The following SOX5 variants were observed in gnomAD, a reference collection of about 807,000 sequenced individuals.
SOX5 encodes the protein SRY-box transcription factor 5, also known as transcription factor SOX-5.
In SOX5, 9 loss-of-function variants were observed where a neutral mutation model predicts 92.0. The ratio of observed to expected loss-of-function variants is 0.10; its 90% CI spans 0.06 to 0.17. SOX5 has a LOEUF of 0.17. Among genes scored for constraint, SOX5 ranks in the 10% least tolerant of loss-of-function variants. The probability of loss-of-function intolerance (pLI) is 1.00; values close to 1 mark genes in which losing one functional copy is unlikely to be tolerated. For missense variants in SOX5, 642 were observed against 944.5 expected (o/e 0.68, Z 4.20); for synonymous variants, 344 against 336.3 (o/e 1.02, Z -0.25).
chr12:24,033,070 A>G (rs1229303917), intron 4 of SOX5, among the ~76,000 whole-genome samples: 1 of 151,944 alleles, frequency 6.6e-6, no homozygotes, highest in Non-Finnish European at 1.5e-5. Flanking sequence ...AAAATTTAAA[A>G]TGGTTTCATG....
chr12:24,030,297 A>G (rs1209809564), intron 4 of SOX5, among the ~76,000 whole-genome samples: 1 of 152,004 alleles, frequency 6.6e-6, no homozygotes, highest in South Asian at 2.1e-4. Flanking sequence ...TTTAAAATAT[A>G]CTACAAAGTT....
At chr12:24,139,941 C>A (rs142906799) in intron 4 of SOX5, among the ~76,000 whole-genome samples, 2 of 152,276 alleles carry the variant, frequency 1.3e-5, no homozygotes, top group Admixed American at 6.5e-5. Context: ...AGAATCCACA[C>A]TGCAAAGGAA....
intron 4 of SOX5, among the ~76,000 whole-genome samples, chr12:24,079,067 T>C (rs1329131583): frequency 6.6e-6 from 1 of 151,618 alleles, no homozygotes; most frequent in Non-Finnish European, 1.5e-5. Context: ...CTGTCTCCCT[T>C]CCCCCATGAG....
At chr12:24,381,646 T>G (rs1045704165) in intron 1 of SOX5, among the ~76,000 whole-genome samples, 1 of 152,240 alleles carries the variant, frequency 6.6e-6, no homozygotes, top group Non-Finnish European at 1.5e-5. Context: ...CTACGTGGAT[T>G]ATTTCCTAGT....
intron 1 of SOX5, among the ~76,000 whole-genome samples, chr12:23,924,179 G>C (rs926309027): frequency 6.6e-6 from 1 of 152,182 alleles, no homozygotes; most frequent in Admixed American, 6.5e-5. Flanking sequence ...AAAAATTTAT[G>C]AATGTTATGG....
intron 4 of SOX5, among the ~76,000 whole-genome samples, chr12:23,982,677 A>C (rs1348914895): frequency 6.6e-6 from 1 of 152,118 alleles, no homozygotes; most frequent in East Asian, 1.9e-4. Flanking sequence ...CAAATCACAT[A>C]TATATTATGT....
chr12:24,018,803 A>T (rs1438944943), intron 4 of SOX5, among the ~76,000 whole-genome samples: 2 of 152,134 alleles, frequency 1.3e-5, no homozygotes, highest in Non-Finnish European at 2.9e-5. Flanking sequence ...GTCTGGAAAA[A>T]AAATAAATAA....
At chr12:24,299,413 A>C (rs907815168) in intron 2 of SOX5, among the ~76,000 whole-genome samples, 1 of 152,048 alleles carries the variant, frequency 6.6e-6, no homozygotes, top group African/African-American at 2.4e-5. Context: ...CCCGGTGAGA[A>C]TCTCATATTT....
At chr12:24,270,245 G>C (rs1943555217) in intron 3 of SOX5, among the ~76,000 whole-genome samples, 1 of 151,920 alleles carries the variant, frequency 6.6e-6, no homozygotes, top group Non-Finnish European at 1.5e-5. Context: ...ATTTTTAGTA[G>C]AGACAGGGTT....
chr12:23,647,221 C>T (rs2080976184), intron 7 of SOX5, among the ~76,000 whole-genome samples: 1 of 152,182 alleles, frequency 6.6e-6, no homozygotes, highest in African/African-American at 2.4e-5. Flanking sequence ...CTGGGTGCAA[C>T]TGTCAATGAG....
chr12:23,556,765 T>A (rs1465745361), intron 11 of SOX5, among the ~76,000 whole-genome samples: 1 of 152,214 alleles, frequency 6.6e-6, no homozygotes, highest in African/African-American at 2.4e-5. Flanking sequence ...TTCCTTCATA[T>A]TCACTTTTTT....
At position 23,787,786 on chromosome 12, in the gene SOX5, G is replaced by T. The variant is rs1446783451; in HGVS notation, c.482-32062C>A. On this transcript the variant is annotated intron_variant, in intron 3 of 14. Coordinates refer to ENST00000451604, the MANE Select transcript of SOX5 (RefSeq NM_006940.6). ...TTAAAAAACTAGAAACATTATTGAT[G>T]TTAGTTGTAAAGTAAAATAAGGGTT... Among the ~76,000 whole-genome samples the T allele has an allele frequency of 9.1e-4, 138 of 151,864 alleles. 5 individuals carry two copies. Among genetic ancestry groups the T allele is most frequent in the Admixed American group, 9.0e-3 (137 of 15,242 alleles).
chr12:23,655,566 T>C (rs1237859425), intron 7 of SOX5, among the ~76,000 whole-genome samples: 3 of 152,138 alleles, frequency 2.0e-5, no homozygotes, highest in Non-Finnish European at 4.4e-5. Flanking sequence ...TATTAAGGCT[T>C]AGCAACCATT....
At chr12:24,527,853 A>G (rs1950850539) in intron 1 of SOX5, among the ~76,000 whole-genome samples, 1 of 152,236 alleles carries the variant, frequency 6.6e-6, no homozygotes, top group African/African-American at 2.4e-5. Context: ...TTTTTCTTTA[A>G]CAGAGAATGA....
intron 8 of SOX5, among the ~76,000 whole-genome samples, chr12:23,632,754 A>G (rs2078712622): frequency 6.6e-6 from 1 of 152,106 alleles, no homozygotes; most frequent in Admixed American, 6.6e-5. Flanking sequence ...CTATGAAAAA[A>G]GATTGATTTC....
chr12:24,273,057 AC>A (rs1943970281), intron 3 of SOX5, among the ~76,000 whole-genome samples: 2 of 152,096 alleles, frequency 1.3e-5, no homozygotes, highest in Admixed American at 1.3e-4. Context: ...ACATAGTAAA[AC>A]CCCGTCTCTA....
intron 6 of SOX5, among the ~76,000 whole-genome samples, chr12:23,695,901 A>G (rs1291770785): frequency 7.5e-6 from 1 of 133,850 alleles, no homozygotes; most frequent in African/African-American, 2.8e-5. Context: ...AGATTGCGCC[A>G]CTGCACTCCA....
intron 4 of SOX5, among the ~76,000 whole-genome samples, chr12:24,107,207 C>A (rs976215777): frequency 6.6e-6 from 1 of 152,188 alleles, no homozygotes; most frequent in Non-Finnish European, 1.5e-5. Flanking sequence ...CAAGCTCTTA[C>A]AATCCACCTC....
intron 10 of SOX5, among the ~76,000 whole-genome samples, chr12:23,569,412 T>C (rs1162341378): frequency 6.6e-6 from 1 of 152,162 alleles, no homozygotes; most frequent in Non-Finnish European, 1.5e-5. Flanking sequence ...GTTTTTAAAA[T>C]CCTGAATATG....
Sources: allele counts gnomAD v4.1 joint callset (sites outside exome capture counted in the v4.1 genomes callset), GRCh38; gene constraint gnomAD v4.1.1; transcripts MANE v1.5; gene names NCBI Gene and HGNC (gene_info 2026-07-23, HGNC 2026-07-21).